The following ADGRD1 variants were observed in gnomAD, a reference collection of about 807,000 sequenced individuals.
ADGRD1 encodes the protein adhesion G protein-coupled receptor D1.
A neutral mutation model predicts 113.4 loss-of-function variants in ADGRD1; 77 were observed. The ratio of observed to expected loss-of-function variants is 0.68; its 90% CI spans 0.57 to 0.82. The LOEUF (loss-of-function observed/expected upper bound fraction) is 0.82. Ranked by LOEUF, ADGRD1 falls within the 40% of genes least tolerant of loss-of-function variation. The pLI, the probability that ADGRD1 is intolerant of heterozygous loss-of-function variation, is 0.00. For missense variants in ADGRD1, 1,036 were observed against 1,139.1 expected, an observed-to-expected ratio of 0.91 and a Z score of 1.30; for synonymous variants, 474 against 475.0, an observed-to-expected ratio of 1.00 and a Z score of 0.03.
chr12:131,013,206 G>T (rs1033206985), intron 12 of ADGRD1, among the ~76,000 whole-genome samples: 4 of 152,116 alleles, frequency 2.6e-5, no homozygotes, highest in African/African-American at 9.7e-5. Flanking sequence ...TCTTTAGATT[G>T]GGCTGCAAGG....
At chr12:130,980,337 C>T (rs896707651) in intron 4 of ADGRD1, among the ~76,000 whole-genome samples, 3 of 151,928 alleles carry the variant, frequency 2.0e-5, no homozygotes, top group Admixed American at 6.6e-5. Context: ...ATCTCCTGAC[C>T]TCATGATCCA....
intron 13 of ADGRD1, among the ~76,000 whole-genome samples, chr12:131,028,300 TTTTC>T (rs1319311306): frequency 1.3e-5 from 2 of 152,242 alleles, no homozygotes; most frequent in African/African-American, 2.4e-5. Context: ...TGCTGTTTGC[TTTTC>T]TTTCTTACTG....
chr12:131,086,112 T>G (rs1457439355), intron 15 of ADGRD1, among the ~76,000 whole-genome samples: 4 of 152,114 alleles, frequency 2.6e-5, no homozygotes, highest in Non-Finnish European at 5.9e-5. Flanking sequence ...GCCTCTGTGG[T>G]CACATTTATC....
At chr12:131,124,052 G>A (rs895965476) in intron 20 of ADGRD1, among the ~76,000 whole-genome samples, 34 of 152,354 alleles carry the variant, frequency 2.2e-4, no homozygotes, top group Middle Eastern at 3.4e-3. Flanking sequence ...TTGGCAGAAG[G>A]CATATCAACC....
At chr12:131,100,684 G>C (rs563753056) in intron 15 of ADGRD1, among the ~76,000 whole-genome samples, 1 of 152,084 alleles carries the variant, frequency 6.6e-6, no homozygotes, top group Non-Finnish European at 1.5e-5. Context: ...GGGTAGGTGT[G>C]GGTCTGGGGC....
chr12:131,030,845 T>C (rs1880637471), intron 13 of ADGRD1: 1 of 152,134 alleles, frequency 6.6e-6, no homozygotes, highest in Admixed American at 6.5e-5. Context: ...TACGCCGGGG[T>C]GTGCAGAGCA....
intron 5 of ADGRD1, 162 bp from the exon 6 acceptor site, chr12:130,986,933 T>C (rs1054137901): frequency 4.9e-6 from 3 of 617,142 alleles, no homozygotes; most frequent in Non-Finnish European, 8.6e-6. Flanking sequence ...TCCAAAGGAC[T>C]GGGGAAAGTC....
chr12:131,136,148 G>C lies in ADGRD1; in HGVS notation c.2379G>C (p.Thr793=). The change falls in exon 22 of 25, where the codon ACG becomes ACC. Residue 793 remains threonine (T), a synonymous_variant. Transcript: ENST00000261654. ...CAVVFQYMFA[T]LNSLQGLFIF... is the part of the protein sequence containing the mutation. ...TGGTTTTCCAGTACATGTTTGCCAC[G>C]CTCAACTCCCTGCAGGTGAGAGCCG... 11 of 1,614,082 alleles carry C rather than the reference G, an allele frequency of 6.8e-6. No homozygotes were observed. The highest frequency in any genetic ancestry group is 9.3e-6 in the Non-Finnish European group (11 of 1,179,990).
intron 13 of ADGRD1, among the ~76,000 whole-genome samples, chr12:131,039,459 A>G (rs1402196881): frequency 1.3e-5 from 2 of 152,258 alleles, no homozygotes; most frequent in Non-Finnish European, 2.9e-5. Context: ...AAAAAGTCAC[A>G]CAGAGTTCAC....
At position 131,076,789 on chromosome 12, in the gene ADGRD1, C is replaced by T; in HGVS notation, c.1474-12C>T. ...CAGCGTCATGCATCGTGTTTGCTTT[C>T]TTTCATTTCAGACACGTAAGCAGCA... On this transcript the variant is annotated splice_polypyrimidine_tract_variant and intron_variant, in intron 13 of 24. Coordinates refer to ENST00000261654, the MANE Select transcript of ADGRD1 (RefSeq NM_198827.5). 6.2e-7 allele frequency: 1 copy of T among 1,613,422 alleles called. No homozygotes were observed. Among genetic ancestry groups the T allele is most frequent in the Non-Finnish European group, 8.5e-7 (1 of 1,179,362 alleles).
intron 18 of ADGRD1, among the ~76,000 whole-genome samples, chr12:131,116,652 C>T (rs1275463759): frequency 6.6e-6 from 1 of 152,186 alleles, no homozygotes; most frequent in African/African-American, 2.4e-5. Flanking sequence ...ACATGCTCTT[C>T]GTGCACTTCC....
intron 12 of ADGRD1, among the ~76,000 whole-genome samples, chr12:131,012,857 A>AC (rs1019040084): frequency 1.4e-4 from 22 of 152,236 alleles, no homozygotes; most frequent in African/African-American, 5.1e-4. Flanking sequence ...GGTGCACAGG[A>AC]CCCGGGTGAG....
intron 20 of ADGRD1, among the ~76,000 whole-genome samples, chr12:131,121,448 C>G (rs1457087417): frequency 6.6e-6 from 1 of 152,120 alleles, no homozygotes; most frequent in Non-Finnish European, 1.5e-5. Context: ...TGCAGTGGTG[C>G]GATCTCACTG....
Position 131,084,426 on chromosome 12 carries a change from G to GTGGGCGCC in ADGRD1, c.1548-113_1548-106dup. 1 of 1,122,260 alleles carries GTGGGCGCC rather than the reference G, an allele frequency of 8.9e-7. No individual in the cohort carries two copies. Among genetic ancestry groups the GTGGGCGCC allele is most frequent in the Non-Finnish European group, 1.3e-6 (1 of 760,928 alleles). 69.5% of individuals were successfully genotyped at this position (1,122,260 alleles called of 1,614,324 possible). A position where few individuals can be genotyped will look rare whatever the true frequency, so the allele number is the denominator to read the frequency against. ...GGTGTGCATTCCTGGCGTGGCAGGT[G>GTGGGCGCC]TGGGCGCCGCCATGAGTTCACGGGG... is the stretch of plus-strand genomic sequence containing the variant. On this transcript the variant is annotated intron_variant, in intron 14 of 24. Coordinates refer to ENST00000261654, the MANE Select transcript of ADGRD1 (RefSeq NM_198827.5). The surrounding 1 kb of genome is among the most constrained non-coding windows in gnomAD (Gnocchi z 4.5).
chr12:131,085,704 C>A (rs1456914968), intron 15 of ADGRD1, among the ~76,000 whole-genome samples: 2 of 152,136 alleles, frequency 1.3e-5, no homozygotes, highest in Non-Finnish European at 2.9e-5. Flanking sequence ...CTGCTCCGAG[C>A]CAGGCTGGGT....
At chr12:131,121,947 C>T (rs1593251496) in intron 20 of ADGRD1, 1 of 152,496 alleles carries the variant, frequency 6.6e-6, no homozygotes, top group South Asian at 2.1e-4. Context: ...AGGGCTGCCT[C>T]CCATGATTTC....
intron 14 of ADGRD1, among the ~76,000 whole-genome samples, chr12:131,077,161 G>A (rs1286282588): frequency 1.3e-5 from 2 of 152,198 alleles, no homozygotes; most frequent in Non-Finnish European, 2.9e-5. Context: ...ATGCTCGGGG[G>A]AGCTGGAGGA....
In ADGRD1 at chr12:131,057,904, C is replaced by T. The variant is rs924473162; in HGVS notation, c.1474-18897C>T. On this transcript the variant is annotated intron_variant, in intron 13 of 24. Transcript: ENST00000261654. The surrounding 1 kb of genome is among the most constrained non-coding windows in gnomAD (Gnocchi z 4.2). ...CCATGTGCTTTCCTGCAGGACTGACCGCAGCCGTCTTCGTGCTCATCTCGC... is the reference window on the plus strand; with the variant it reads ...CCATGTGCTTTCCTGCAGGACTGACTGCAGCCGTCTTCGTGCTCATCTCGC... Among the ~76,000 whole-genome samples the T allele has an allele frequency of 7.2e-5, 11 of 152,116 alleles. No homozygotes were observed. The highest frequency in any genetic ancestry group is 2.7e-4 in the African/African-American group (11 of 41,418).
chr12:131,048,567 C>T (rs918329277), intron 13 of ADGRD1, among the ~76,000 whole-genome samples: 5 of 152,188 alleles, frequency 3.3e-5, no homozygotes, highest in African/African-American at 1.2e-4. Context: ...TCCGGGGCTC[C>T]ATGGATTTGC....
Sources: gnomAD v4.1 joint callset for allele counts (sites outside exome capture counted in the v4.1 genomes callset) on GRCh38, gnomAD v4.1.1 for gene constraint, Gnocchi (gnomAD v3.1) non-coding constraint, MANE v1.5 for transcripts, NCBI Gene and HGNC (gene_info 2026-07-23, HGNC 2026-07-21) for gene names.